Variants in IDO2 observed in about 807,000 individuals in gnomAD.
IDO2 encodes the protein indoleamine 2,3-dioxygenase-like 1 protein.
Under a neutral mutation model 45.1 loss-of-function variants are expected in IDO2, and 46 were observed. The observed-to-expected ratio is 1.02, with a 90% CI of 0.80 to 1.30. The LOEUF (loss-of-function observed/expected upper bound fraction) is 1.30, where lower values mean the gene tolerates loss of function less well. Among genes scored for constraint, IDO2 ranks in the 50% most tolerant of loss-of-function variants. The pLI, the probability that IDO2 is intolerant of heterozygous loss-of-function variation, is 0.00. For synonymous variants in IDO2, 218 were observed against 184.9 expected (o/e 1.18, Z -1.45); for missense variants, 544 against 491.8 (o/e 1.11, Z -1.00).
chr8:39,975,079 T>G (rs978903421), intron 3 of IDO2, among the ~76,000 whole-genome samples: 1 of 151,764 alleles, frequency 6.6e-6, no homozygotes, highest in African/African-American at 2.4e-5. Context: ...ATCATGCCAC[T>G]GTACTCCAGC....
chr8:39,943,406 A>G (rs1487095477), intron 1 of IDO2, among the ~76,000 whole-genome samples: 1 of 151,672 alleles, frequency 6.6e-6, no homozygotes, highest in African/African-American at 2.4e-5. Flanking sequence ...TTAGGTGTAG[A>G]AAGAATGTTC....
intron 8 of IDO2, among the ~76,000 whole-genome samples, chr8:39,996,960 G>C (rs960963331): frequency 6.6e-6 from 1 of 152,134 alleles, no homozygotes; most frequent in African/African-American, 2.4e-5. Flanking sequence ...AGTTTAATAG[G>C]GCAGACAATA....
At chr8:40,008,633 C>A (rs1206357505) in intron 9 of IDO2, among the ~76,000 whole-genome samples, 2 of 152,108 alleles carry the variant, frequency 1.3e-5, no homozygotes, top group Non-Finnish European at 2.9e-5. Context: ...TAGAATTATA[C>A]CTACCACAGT....
rs1802319784 is a variant in IDO2, at chr8:40,012,206, A to G, written c.720-1359A>G. Among the ~76,000 whole-genome samples the G allele has an allele frequency of 2.7e-5, 4 of 150,634 alleles. No homozygotes were observed. The Admixed American group carries it at 2.7e-4, about 10-fold the overall frequency. ...TGAGCAAAATAACTTTTAGAATTATAGAAAAAAAATGTGCAACATCAATGT... is the reference window on the plus strand; with the variant it reads ...TGAGCAAAATAACTTTTAGAATTATGGAAAAAAAATGTGCAACATCAATGT... On this transcript the variant is annotated intron_variant, in intron 9 of 10. Coordinates refer to ENST00000502986, the Ensembl canonical transcript of IDO2.
intron 3 of IDO2, among the ~76,000 whole-genome samples, chr8:39,965,377 T>A (rs941549217): frequency 6.6e-6 from 1 of 151,916 alleles, no homozygotes; most frequent in African/African-American, 2.4e-5. Context: ...GTCCCAGCTA[T>A]TTGGGAGGCT....
At chr8:40,010,831 G>A (rs1003050225) in intron 9 of IDO2, among the ~76,000 whole-genome samples, 1 of 152,196 alleles carries the variant, frequency 6.6e-6, no homozygotes, top group African/African-American at 2.4e-5. Flanking sequence ...GCAGTTGGAT[G>A]TATGGGTCTG....
At chr8:40,009,175 C>T (rs569504169) in intron 9 of IDO2, among the ~76,000 whole-genome samples, 33 of 152,178 alleles carry the variant, frequency 2.2e-4, no homozygotes, top group Admixed American at 1.2e-3. Context: ...CCACAGTGCC[C>T]GGCTAATTTT....
At chr8:39,943,447 C>T (rs1017509444) in intron 1 of IDO2, among the ~76,000 whole-genome samples, 6 of 150,150 alleles carry the variant, frequency 4.0e-5, no homozygotes, top group Non-Finnish European at 7.4e-5. Context: ...ATGTAAGAAA[C>T]CTATAGCTGG....
intron 3 of IDO2, among the ~76,000 whole-genome samples, chr8:39,972,913 C>T (rs1331582432): frequency 2.0e-5 from 3 of 152,138 alleles, no homozygotes; most frequent in Non-Finnish European, 2.9e-5. Context: ...TTATAATGTA[C>T]ATTGTTTTTC....
chr8:39,984,745 A>C lies in IDO2; in HGVS notation c.435-763A>C, dbSNP rs1365837948. ...ACAAATGTCAAAGAGTGACTCAAAC[A>C]ATATGTCCTTTAGAATTTCAGAGAA... On this transcript the variant is annotated intron_variant, in intron 5 of 10. Coordinates refer to ENST00000502986, the Ensembl canonical transcript of IDO2. 2.0e-5 allele frequency among the ~76,000 whole-genome samples: 3 copies of C among 152,178 alleles called. No individual in the cohort carries two copies. The South Asian group carries it at 6.2e-4, about 32-fold the overall frequency.
intron 4 of IDO2, among the ~76,000 whole-genome samples, chr8:39,981,279 C>G (rs947270765): frequency 1.3e-5 from 2 of 152,036 alleles, no homozygotes; most frequent in Admixed American, 6.5e-5. Flanking sequence ...CCAGGATGGT[C>G]TCGATCTCTT....
At chr8:40,000,267 C>T (rs547714421) in intron 8 of IDO2, among the ~76,000 whole-genome samples, 1 of 152,124 alleles carries the variant, frequency 6.6e-6, no homozygotes, top group South Asian at 2.1e-4. Context: ...CAAAAACTAG[C>T]TGGGCGTAGT....
chr8:39,967,184 AAG>A (rs1808098638), intron 3 of IDO2, among the ~76,000 whole-genome samples: 1 of 152,272 alleles, frequency 6.6e-6, no homozygotes, highest in South Asian at 2.1e-4. Context: ...ATATATAAAA[AAG>A]AGAAATACAG....
chr8:39,996,974 T>C lies in IDO2; in HGVS notation c.667+7136T>C, dbSNP rs74873038. 3.2e-3 allele frequency among the ~76,000 whole-genome samples: 492 copies of C among 151,520 alleles called. 2 individuals are homozygous for C. Among genetic ancestry groups the C allele is most frequent in the African/African-American group, 0.012 (477 of 41,378 alleles). On this transcript the variant is annotated intron_variant, in intron 8 of 10. Coordinates refer to ENST00000502986, the Ensembl canonical transcript of IDO2. The stretch of plus-strand genomic sequence containing the variant: ...AAGTTTAATAGGGCAGACAATATTT[T>C]CTTCTGCATTCACACTTACTCAGTT...
At chr8:39,946,283 C>G (rs953722399) in intron 1 of IDO2, among the ~76,000 whole-genome samples, 2 of 152,182 alleles carry the variant, frequency 1.3e-5, no homozygotes, top group South Asian at 2.1e-4. Flanking sequence ...ACTCCTGGCT[C>G]GCTGGCCTCC....
chr8:39,988,163 C>T (rs910282298), intron 7 of IDO2, among the ~76,000 whole-genome samples, 193 bp downstream of exon 7: 3 of 152,088 alleles, frequency 2.0e-5, no homozygotes, highest in South Asian at 2.1e-4. Context: ...CTATAAAACT[C>T]GGAATGGACC....
At chr8:39,983,499 G>A (rs1808382666) in intron 5 of IDO2, among the ~76,000 whole-genome samples, 1 of 152,174 alleles carries the variant, frequency 6.6e-6, no homozygotes, top group Admixed American at 6.5e-5. Context: ...CCATGGGATT[G>A]CCAGAGGCGA....
At chr8:40,016,038 T>A (rs915447189) in exon 11 of IDO2, 3 of 391,598 alleles carry the variant, frequency 7.7e-6, no homozygotes, top group African/African-American at 6.2e-5. Context: ...CCAGGATTTC[T>A]GTGGTCCCAG....
chr8:40,013,916 G>C (rs994110237), intron 10 of IDO2, among the ~76,000 whole-genome samples: 1 of 152,112 alleles, frequency 6.6e-6, no homozygotes, highest in Non-Finnish European at 1.5e-5. Flanking sequence ...GCTTGATCTT[G>C]GGTTTTACTT....
Sources: gnomAD v4.1 joint callset for allele counts (sites outside exome capture counted in the v4.1 genomes callset) on GRCh38, gnomAD v4.1.1 for gene constraint, MANE v1.5 for transcripts, NCBI Gene and HGNC (gene_info 2026-07-23, HGNC 2026-07-21) for gene names.